R3HDM1: variants seen among roughly 807,000 people sequenced by gnomAD.
R3HDM1 encodes the protein R3H domain-containing protein 1.
A neutral mutation model predicts 141.1 loss-of-function variants in R3HDM1; 46 were observed. That is an observed-to-expected ratio of 0.33 (90% CI 0.26 to 0.42). The LOEUF is 0.42. Ranked by LOEUF, R3HDM1 falls within the 10% of genes least tolerant of loss-of-function variation. The pLI, the probability that R3HDM1 is intolerant of heterozygous loss-of-function variation, is 1.00. For missense variants in R3HDM1, 1,184 were observed against 1,368.3 expected, an observed-to-expected ratio of 0.87 and a Z score of 2.12; for synonymous variants, 435 against 472.9, an observed-to-expected ratio of 0.92 and a Z score of 1.04.
At chr2:135,607,697 T>C (rs1247353086) in intron 3 of R3HDM1, 1 of 241,946 alleles carries the variant, frequency 4.1e-6, no homozygotes, top group Non-Finnish European at 6.7e-6. Context: ...AGTCATTAAT[T>C]TGGGTTATTG....
At chr2:135,574,036 G>A (rs1319610860) in intron 1 of R3HDM1, among the ~76,000 whole-genome samples, 1 of 152,090 alleles carries the variant, frequency 6.6e-6, no homozygotes, top group Non-Finnish European at 1.5e-5. Flanking sequence ...AGAAATTAAT[G>A]AGGTAGGGAA....
At chr2:135,682,532 C>T (rs915536354) in intron 21 of R3HDM1, among the ~76,000 whole-genome samples, 2 of 152,148 alleles carry the variant, frequency 1.3e-5, no homozygotes, top group African/African-American at 2.4e-5. Flanking sequence ...AGCTGTCAAG[C>T]GAGTGCTGAT....
intron 20 of R3HDM1, among the ~76,000 whole-genome samples, chr2:135,678,919 C>A (rs1207007809): frequency 6.6e-6 from 1 of 151,776 alleles, no homozygotes; most frequent in Non-Finnish European, 1.5e-5. Flanking sequence ...GCCACTACTC[C>A]CGGCTAATTT....
rs181550651 is a variant in R3HDM1 at position 135,634,298 on chromosome 2, C to A, written c.699-1592C>A. 3.0e-4 allele frequency among the ~76,000 whole-genome samples: 45 copies of A among 152,140 alleles called. No homozygotes were observed. In the East Asian group the frequency reaches 6.0e-3, roughly 20 times the overall value. ...TGCATAATTTGACAGGAGGCTTTTA[C>A]GTACTTTATTAGAAATTCATAGGTT... On this transcript the variant is annotated intron_variant, in intron 9 of 26. Transcript: ENST00000683871.
chr2:135,566,643 T>C (rs1442857399), intron 1 of R3HDM1: 1 of 532,098 alleles, frequency 1.9e-6, no homozygotes, highest in African/African-American at 2.1e-5. Flanking sequence ...CTTCTTCAGG[T>C]TAATCTGCAT....
rs1419654992 is a variant in R3HDM1, at chr2:135,675,479, C to T, written c.2300C>T (p.Thr767Ile). Reference sequence around the variant, plus strand: ...GTCATCCCCTATACTTCAGTGCCAACATATCAGGTATATTGTCTCTTTTAT... The same window carrying T: ...GTCATCCCCTATACTTCAGTGCCAATATATCAGGTATATTGTCTCTTTTAT... ...GVVIPYTSVP[T>I]YQVSLPQGSQ... The change falls in exon 20 of 27, where the codon ACA (threonine) becomes ATA (isoleucine). Residue 767 changes from threonine to isoleucine, a missense_variant. Physicochemically the swap from Thr to Ile is moderately conservative, Grantham distance 89. Coordinates refer to ENST00000683871, the MANE Select transcript of R3HDM1 (RefSeq NM_001378107.1). 1.2e-6 allele frequency: 2 copies of T among 1,612,598 alleles called. No individual in the cohort carries two copies. Among genetic ancestry groups the T allele is most frequent in the South Asian group, 1.1e-5 (1 of 90,904 alleles).
chr2:135,601,964 CTT>C lies in R3HDM1; in HGVS notation c.-249-515_-249-514del, dbSNP rs755867675. Among the ~76,000 whole-genome samples the C allele has an allele frequency of 1.6e-3, 177 of 107,990 alleles. 2 individuals are homozygous for C. Among genetic ancestry groups the C allele is most frequent in the African/African-American group, 4.9e-3 (147 of 29,742 alleles). 70.8% of individuals were successfully genotyped at this position (107,990 alleles called of 152,430 possible). On this transcript the variant is annotated intron_variant, in intron 1 of 26. Transcript: ENST00000683871. ...GGCACAAGCCACTGCACCCAGCCAA[CTT>C]TTTTTTTTTTTTTTTTTTTTAGAAC...
chr2:135,618,734 T>C (rs2061288206), intron 5 of R3HDM1, among the ~76,000 whole-genome samples: 1 of 152,060 alleles, frequency 6.6e-6, no homozygotes, highest in Non-Finnish European at 1.5e-5. Context: ...AAAAAGTTCT[T>C]TTGGCCAGGG....
At chr2:135,623,149 C>A in intron 7 of R3HDM1, 1 of 653,338 alleles carries the variant, frequency 1.5e-6, no homozygotes, top group Non-Finnish European at 1.9e-6. Flanking sequence ...AAATCATCAA[C>A]CCAAAGATTT....
At chr2:135,674,783 T>C (rs186237373) in intron 19 of R3HDM1, among the ~76,000 whole-genome samples, 2 of 152,252 alleles carry the variant, frequency 1.3e-5, no homozygotes, top group East Asian at 3.9e-4. Flanking sequence ...TTTGCCTGTG[T>C]CTTTGACACA....
At chr2:135,549,920 A>G in intron 1 of R3HDM1, 1 of 895,516 alleles carries the variant, frequency 1.1e-6, no homozygotes, top group Non-Finnish European at 1.3e-6. Context: ...TACATTACAT[A>G]TGTATTTCCC....
intron 1 of R3HDM1, among the ~76,000 whole-genome samples, chr2:135,539,725 T>TA: frequency 6.6e-6 from 1 of 152,328 alleles, no homozygotes; most frequent in African/African-American, 2.4e-5. Context: ...GCATTATGTC[T>TA]AAAAAATGCA....
chr2:135,558,050 GTAA>G (rs1333874109), intron 1 of R3HDM1, among the ~76,000 whole-genome samples: 1 of 152,192 alleles, frequency 6.6e-6, no homozygotes, highest in Non-Finnish European at 1.5e-5. Flanking sequence ...GGGGCTAAAA[GTAA>G]TAAAACATTA....
chr2:135,717,600 A>C (rs2076296377), intron 24 of R3HDM1, among the ~76,000 whole-genome samples: 1 of 152,182 alleles, frequency 6.6e-6, no homozygotes, highest in Non-Finnish European at 1.5e-5. Flanking sequence ...GGATTGAAAA[A>C]TACCTATTGG....
At chr2:135,707,885 C>A (rs536547013) in intron 21 of R3HDM1, among the ~76,000 whole-genome samples, 2 of 152,160 alleles carry the variant, frequency 1.3e-5, no homozygotes, top group African/African-American at 2.4e-5. Flanking sequence ...CCCTTTATAT[C>A]TCTTTTTCCC....
rs113916747 is a variant in R3HDM1 at position 135,638,855 on chromosome 2, C to T, written c.993-41C>T. ...AGCATTTTTTTCTTTACTTTTTGTT[C>T]CCCTGCATTAGCTTTTCAAGGTTTT... is the stretch of plus-strand genomic sequence containing the variant. On this transcript the variant is annotated intron_variant, in intron 13 of 26. Transcript: ENST00000683871. The T allele has an allele frequency of 2.7e-5, 44 of 1,610,664 alleles. 1 individual carries two copies. In the African/African-American group the frequency reaches 3.8e-4, roughly 14 times the overall value.
intron 17 of R3HDM1, 193 bp downstream of exon 17, chr2:135,650,196 T>C (rs1199767319): frequency 6.2e-6 from 6 of 969,968 alleles, no homozygotes. Flanking sequence ...AGTGGCTTAT[T>C]ATGGTGATTG....
rs373131369 is a variant in R3HDM1 at position 135,614,807 on chromosome 2, TTC to T, written c.172-1337_172-1336del. Among the ~76,000 whole-genome samples the T allele has an allele frequency of 4.0e-5, 6 of 151,540 alleles. No homozygotes were observed. In the South Asian group the frequency reaches 8.3e-4, roughly 21 times the overall value. ...TTTTCATAGTATTCACCTGTTGCTTTTCTCTCTCTTTTTTTTTTCCTGTAATC... is the reference window on the plus strand; with the variant it reads ...TTTTCATAGTATTCACCTGTTGCTTTTCTCTCTTTTTTTTTTCCTGTAATC... On this transcript the variant is annotated intron_variant, in intron 3 of 26. Transcript: ENST00000683871.
At chr2:135,639,946 A>C (rs1327586927) in intron 14 of R3HDM1, among the ~76,000 whole-genome samples, 1 of 152,158 alleles carries the variant, frequency 6.6e-6, no homozygotes, top group Non-Finnish European at 1.5e-5. Context: ...AAAATATTTA[A>C]AAATCAGCTG....
Sources: gnomAD v4.1 joint callset for allele counts (sites outside exome capture counted in the v4.1 genomes callset) on GRCh38, gnomAD v4.1.1 for gene constraint, MANE v1.5 for transcripts, NCBI Gene and HGNC (gene_info 2026-07-23, HGNC 2026-07-21) for gene names.